SLC39A12: variants seen among roughly 807,000 people sequenced by gnomAD.
SLC39A12 encodes the protein zinc transporter ZIP12.
Under a neutral mutation model 71.1 loss-of-function variants are expected in SLC39A12, and 63 were observed. That is an observed-to-expected ratio of 0.89 (90% CI 0.72 to 1.09). SLC39A12 has a LOEUF of 1.09. SLC39A12 is among the 50% of genes least tolerant of loss of function. The pLI is 0.00. For synonymous variants in SLC39A12, 351 were observed against 301.3 expected, an observed-to-expected ratio of 1.16 and a Z score of -1.71; for missense variants, 892 against 812.6, an observed-to-expected ratio of 1.10 and a Z score of -1.19.
intron 4 of SLC39A12, among the ~76,000 whole-genome samples, chr10:17,973,082 G>A (rs1449691085): frequency 6.6e-6 from 1 of 152,036 alleles, no homozygotes; most frequent in Non-Finnish European, 1.5e-5. Flanking sequence ...ACTTAGCACT[G>A]TTTGTATAAA....
At chr10:18,012,685 G>A (rs1034313127) in intron 12 of SLC39A12, among the ~76,000 whole-genome samples, 1 of 152,068 alleles carries the variant, frequency 6.6e-6, no homozygotes, top group African/African-American at 2.4e-5. Context: ...TGGCCAACAC[G>A]GTGAAACCCC....
intron 12 of SLC39A12, chr10:18,005,335 G>A (rs1223623822): frequency 6.6e-6 from 1 of 152,072 alleles, no homozygotes; most frequent in Non-Finnish European, 1.5e-5. Flanking sequence ...TTCCAGCTTT[G>A]TTGTGACTTT....
intron 12 of SLC39A12, among the ~76,000 whole-genome samples, chr10:18,036,191 G>T (rs577221895): frequency 1.3e-5 from 2 of 152,224 alleles, no homozygotes; most frequent in Non-Finnish European, 2.9e-5. Flanking sequence ...TCCAGCTTCA[G>T]GGCTGCTTTG....
intron 1 of SLC39A12, among the ~76,000 whole-genome samples, chr10:17,952,401 T>TA (rs1397681585): frequency 4.0e-5 from 6 of 151,532 alleles, no homozygotes; most frequent in African/African-American, 7.3e-5. Context: ...CTTAGTAAAC[T>TA]AAAAAAAAGA....
At chr10:17,961,216 G>A (rs1273528486) in intron 2 of SLC39A12, among the ~76,000 whole-genome samples, 2 of 152,164 alleles carry the variant, frequency 1.3e-5, no homozygotes, top group African/African-American at 4.8e-5. Context: ...GAGAAGGAAG[G>A]AGGGTAGAGT....
At chr10:18,035,960 G>GGGGGTCA (rs1357681865) in intron 12 of SLC39A12, among the ~76,000 whole-genome samples, 1 of 152,132 alleles carries the variant, frequency 6.6e-6, no homozygotes, top group Non-Finnish European at 1.5e-5. Context: ...TAGGCTGCTC[G>GGGGGTCA]GGGGTCAGGG....
chr10:17,965,323 T>C (rs950016131), intron 3 of SLC39A12, among the ~76,000 whole-genome samples, 160 bp from the exon 4 acceptor site: 1 of 152,228 alleles, frequency 6.6e-6, no homozygotes, highest in African/African-American at 2.4e-5. Context: ...AATAGAGTTG[T>C]ATCTGAGACA....
chr10:18,001,767 A>G (rs1835840393), intron 11 of SLC39A12: 1 of 152,188 alleles, frequency 6.6e-6, no homozygotes, highest in African/African-American at 2.4e-5. Context: ...CGTAAGAATC[A>G]TATCATGCAA....
chr10:17,974,905 A>C (rs988702014), intron 4 of SLC39A12, among the ~76,000 whole-genome samples: 2 of 151,872 alleles, frequency 1.3e-5, no homozygotes, highest in African/African-American at 4.9e-5. Context: ...GGAGCCAGGA[A>C]CTAGAGTCAA....
intron 12 of SLC39A12, among the ~76,000 whole-genome samples, chr10:18,035,504 C>A (rs903196481): frequency 5.4e-5 from 8 of 148,350 alleles, no homozygotes; most frequent in African/African-American, 2.0e-4. Flanking sequence ...TCCATCAGCT[C>A]CTTTAAGCAC....
intron 12 of SLC39A12, among the ~76,000 whole-genome samples, chr10:18,041,716 TATGTATATATGTGTATATATGTATATAC>T (rs1837246020): frequency 2.0e-5 from 2 of 101,732 alleles, no homozygotes; most frequent in South Asian, 3.0e-4. Context: ...TGTATATACA[TATGTATATATGTGTATATATGTATATAC>T]ATGTATATAT....
At chr10:18,036,423 C>G (rs192472329) in intron 12 of SLC39A12, among the ~76,000 whole-genome samples, 1 of 152,046 alleles carries the variant, frequency 6.6e-6, no homozygotes, top group African/African-American at 2.4e-5. Flanking sequence ...CAGGTGCGTC[C>G]GTCACCCCTT....
intron 12 of SLC39A12, among the ~76,000 whole-genome samples, chr10:18,042,164 G>A (rs756906582): frequency 6.6e-6 from 1 of 152,000 alleles, no homozygotes; most frequent in Non-Finnish European, 1.5e-5. Flanking sequence ...TTTTTGGTTG[G>A]TAACTATGTC....
rs1319565543 is a variant in SLC39A12, at chr10:18,032,719, T to C, written c.1948-9986T>C. 2.0e-5 allele frequency among the ~76,000 whole-genome samples: 3 copies of C among 152,030 alleles called. No individual in the cohort carries two copies. In the East Asian group the frequency reaches 5.8e-4, roughly 29 times the overall value. ...GGAGTGGTGAGGGAGGGCATCCCTG[T>C]CTTGTGCCAGTTTTCAAAGGGAATG... On this transcript the variant is annotated intron_variant, in intron 12 of 12. Transcript: ENST00000377369.
At chr10:18,017,379 G>A (rs1011157565) in intron 12 of SLC39A12, among the ~76,000 whole-genome samples, 4 of 152,152 alleles carry the variant, frequency 2.6e-5, no homozygotes, top group Non-Finnish European at 4.4e-5. Context: ...CACGATCTTG[G>A]CTCACTGCAA....
intron 12 of SLC39A12, among the ~76,000 whole-genome samples, chr10:18,010,346 A>G (rs1259553275): frequency 6.6e-6 from 1 of 152,226 alleles, no homozygotes; most frequent in Non-Finnish European, 1.5e-5. Context: ...ACCTTGATAT[A>G]CGTATTTGTT....
chr10:17,957,449 C>T (rs1354633824), intron 2 of SLC39A12, among the ~76,000 whole-genome samples: 2 of 152,184 alleles, frequency 1.3e-5, no homozygotes, highest in East Asian at 1.9e-4. Flanking sequence ...AGATTCCCCC[C>T]GCCCCAAACC....
At chr10:18,040,769 C>CAAA (rs34842202) in intron 12 of SLC39A12, among the ~76,000 whole-genome samples, 2,604 of 94,590 alleles carry the variant, frequency 0.028, 122 homozygotes, top group African/African-American at 0.093. Flanking sequence ...AACTCCATCT[C>CAAA]AAAAAAAAAA....
chr10:17,982,740 A>G (rs1484883236), intron 6 of SLC39A12, among the ~76,000 whole-genome samples: 1 of 152,072 alleles, frequency 6.6e-6, no homozygotes, highest in Admixed American at 6.5e-5. Flanking sequence ...TTACATTCCT[A>G]CCACCTGGCT....
Sources: allele counts gnomAD v4.1 joint callset (sites outside exome capture counted in the v4.1 genomes callset), GRCh38; gene constraint gnomAD v4.1.1; transcripts MANE v1.5; gene names NCBI Gene and HGNC (gene_info 2026-07-23, HGNC 2026-07-21).